TBC1D4: variants seen among roughly 807,000 people sequenced by gnomAD.
The protein encoded by TBC1D4 is TBC1 domain family member 4.
TBC1D4 carries 121 observed loss-of-function variants against 142.5 expected under a neutral mutation model. The ratio of observed to expected loss-of-function variants is 0.85; its 90% CI spans 0.73 to 0.99. TBC1D4 has a LOEUF of 0.99. Among genes scored for constraint, TBC1D4 ranks in the 50% least tolerant of loss-of-function variants. The probability of loss-of-function intolerance (pLI) is 0.00; values close to 1 mark genes in which losing one functional copy is unlikely to be tolerated. For synonymous variants in TBC1D4, 630 were observed against 628.2 expected, an observed-to-expected ratio of 1.00 and a Z score of -0.04; for missense variants, 1,475 against 1,606.6, an observed-to-expected ratio of 0.92 and a Z score of 1.40.
chr13:75,290,640 A>G (rs1368341612), intron 19 of TBC1D4, among the ~76,000 whole-genome samples: 3 of 152,184 alleles, frequency 2.0e-5, no homozygotes, highest in African/African-American at 7.2e-5. Flanking sequence ...CTATTTATAG[A>G]TATTTGTGAT....
chr13:75,443,543 C>T (rs1473403018), intron 1 of TBC1D4, among the ~76,000 whole-genome samples: 1 of 152,188 alleles, frequency 6.6e-6, no homozygotes, highest in Non-Finnish European at 1.5e-5. Context: ...TCCAGGCACC[C>T]TTCTAACGCA....
intron 1 of TBC1D4, among the ~76,000 whole-genome samples, chr13:75,374,702 G>A (rs887959485): frequency 6.6e-6 from 1 of 152,134 alleles, no homozygotes; most frequent in Non-Finnish European, 1.5e-5. Flanking sequence ...TATCTGAGCT[G>A]CAGTCTTGCC....
At chr13:75,370,876 A>G (rs1367688797) in intron 1 of TBC1D4, among the ~76,000 whole-genome samples, 2 of 152,172 alleles carry the variant, frequency 1.3e-5, no homozygotes, top group African/African-American at 2.4e-5. Flanking sequence ...AGTATAGAAG[A>G]CAGAGAGAGA....
rs1886026568 is a variant in TBC1D4, at chr13:75,418,635, A to C, written c.499-56028T>G. Reference sequence around the variant, plus strand: ...ATAAATATTTAATTAACAATATTTCAAGCAGTGTTAAGGTGAAAAATACAG... The same window carrying C: ...ATAAATATTTAATTAACAATATTTCCAGCAGTGTTAAGGTGAAAAATACAG... On this transcript the variant is annotated intron_variant, in intron 1 of 20. Coordinates refer to ENST00000377636, the MANE Select transcript of TBC1D4 (RefSeq NM_014832.5). 2.6e-5 allele frequency among the ~76,000 whole-genome samples: 4 copies of C among 152,246 alleles called. No individual in the cohort carries two copies. In the South Asian group the frequency reaches 8.3e-4, roughly 32 times the overall value.
chr13:75,451,421 T>C (rs35329416), intron 1 of TBC1D4, among the ~76,000 whole-genome samples: 15,803 of 151,208 alleles, frequency 0.1, 957 homozygotes, highest in Middle Eastern at 0.15. Context: ...ACTTGGCTAT[T>C]TGTAATATAG....
chr13:75,476,505 TA>T (rs1888636344), intron 1 of TBC1D4, among the ~76,000 whole-genome samples: 2 of 152,326 alleles, frequency 1.3e-5, no homozygotes, highest in South Asian at 2.1e-4. Flanking sequence ...CTGCAGAACT[TA>T]AAACTTTTGG....
At chr13:75,359,233 C>T (rs1025562112) in intron 3 of TBC1D4, among the ~76,000 whole-genome samples, 3 of 152,102 alleles carry the variant, frequency 2.0e-5, no homozygotes, top group Admixed American at 6.5e-5. Context: ...TAATCTTGTA[C>T]ATAATTGGCT....
chr13:75,452,353 A>C (rs1887567675), intron 1 of TBC1D4, among the ~76,000 whole-genome samples: 2 of 152,198 alleles, frequency 1.3e-5, no homozygotes, highest in Non-Finnish European at 2.9e-5. Context: ...ATGTATCCAG[A>C]AACTATGGAT....
At chr13:75,309,912 C>G in intron 14 of TBC1D4, 30 bp downstream of exon 14, 1 of 1,608,838 alleles carries the variant, frequency 6.2e-7, no homozygotes, top group Middle Eastern at 1.7e-4. Context: ...ATCATAGCAT[C>G]ATAGCATTTA....
chr13:75,382,507 G>T (rs1413794958), intron 1 of TBC1D4, among the ~76,000 whole-genome samples: 32 of 152,068 alleles, frequency 2.1e-4, no homozygotes, highest in Non-Finnish European at 1.2e-4. Flanking sequence ...TTTAGCCATG[G>T]GTGGAGATGA....
rs1883718060 is a variant in TBC1D4, at chr13:75,379,885, C to CTTTTTTT, written c.499-17279_499-17278insAAAAAAA. Among the ~76,000 whole-genome samples the CTTTTTTT allele has an allele frequency of 5.1e-5, 5 of 98,536 alleles. 2 individuals carry two copies. Among genetic ancestry groups the CTTTTTTT allele is most frequent in the African/African-American group, 7.2e-5 (2 of 27,814 alleles). 64.6% of individuals were successfully genotyped at this position (98,536 alleles called of 152,430 possible). On this transcript the variant is annotated intron_variant, in intron 1 of 20. Transcript: ENST00000377636. ...AAGTATATCAGTTTTGTTCATCTGA[C>CTTTTTTT]TCTTTTTTTTTTTTTTTTTTTTTTT...
rs41286106 is a variant in TBC1D4, at chr13:75,286,724, C to A, written c.*68G>T. On this transcript the variant is annotated 3_prime_UTR_variant, in exon 21 of 21. Transcript: ENST00000377636. ...GCTTCAGGGTCCAGCCTTGGGCCAG[C>A]GACATGCAGGCTCTTCCTCTCTGTA... is the stretch of plus-strand genomic sequence containing the variant. The A allele has an allele frequency of 2.7e-5, 41 of 1,501,274 alleles. No individual in the cohort carries two copies. The highest frequency in any genetic ancestry group is 9.5e-5 in the Admixed American group (5 of 52,708). The allele number at this position is 1,501,274 out of a possible 1,614,324, so 93.0% of individuals were successfully genotyped here.
At chr13:75,398,830 A>C (rs1010416968) in intron 1 of TBC1D4, among the ~76,000 whole-genome samples, 1 of 152,116 alleles carries the variant, frequency 6.6e-6, no homozygotes. Flanking sequence ...TCTCACCTCA[A>C]AGATCTGAGG....
intron 1 of TBC1D4, among the ~76,000 whole-genome samples, chr13:75,381,632 T>C (rs533034521): frequency 2.6e-5 from 4 of 152,326 alleles, no homozygotes; most frequent in African/African-American, 7.2e-5. Context: ...GTCAAAGTTA[T>C]TGGCATCCCC....
At chr13:75,375,557 T>A (rs1285582932) in intron 1 of TBC1D4, 2 of 152,034 alleles carry the variant, frequency 1.3e-5, no homozygotes, top group Non-Finnish European at 2.9e-5. Context: ...AACATGAAAG[T>A]GTAGTTAGGG....
At chr13:75,436,053 T>A (rs1026802260) in intron 1 of TBC1D4, among the ~76,000 whole-genome samples, 1 of 152,168 alleles carries the variant, frequency 6.6e-6, no homozygotes, top group Non-Finnish European at 1.5e-5. Context: ...TGGGAGGTAA[T>A]TGAATCATGG....
intron 17 of TBC1D4, among the ~76,000 whole-genome samples, chr13:75,299,076 CCTTT>C (rs1194250593): frequency 6.6e-6 from 1 of 152,176 alleles, no homozygotes; most frequent in Non-Finnish European, 1.5e-5. Flanking sequence ...TCATCACCTA[CCTTT>C]CTTAAATTAC....
intron 1 of TBC1D4, among the ~76,000 whole-genome samples, chr13:75,400,557 A>C (rs7325921): frequency 0.99 from 150,214 of 150,984 alleles, 74,729 homozygotes; most frequent in Middle Eastern, 1. Flanking sequence ...TCCTGGGTTC[A>C]AGCGATTCTC....
intron 1 of TBC1D4, among the ~76,000 whole-genome samples, chr13:75,407,107 C>G (rs1051377069): frequency 6.6e-6 from 1 of 152,202 alleles, no homozygotes; most frequent in Non-Finnish European, 1.5e-5. Context: ...ATCCAGCCCC[C>G]TCAATGACCA....
Sources: gnomAD v4.1 joint callset for allele counts (sites outside exome capture counted in the v4.1 genomes callset) on GRCh38, gnomAD v4.1.1 for gene constraint, MANE v1.5 for transcripts, NCBI Gene and HGNC (gene_info 2026-07-23, HGNC 2026-07-21) for gene names.